JAKMIP3: variants seen among roughly 807,000 people sequenced by gnomAD.
The protein encoded by JAKMIP3 is Janus kinase and microtubule interacting protein 3, also known as janus kinase and microtubule-interacting protein 3.
A neutral mutation model predicts 118.5 loss-of-function variants in JAKMIP3; 58 were observed. The observed-to-expected ratio is 0.49, with a 90% CI of 0.40 to 0.61. JAKMIP3 has a LOEUF of 0.61. JAKMIP3 is among the 20% of genes least tolerant of loss of function. The probability of loss-of-function intolerance (pLI) is 0.00; values close to 1 mark genes in which losing one functional copy is unlikely to be tolerated. For synonymous variants in JAKMIP3, 486 were observed against 451.2 expected, an observed-to-expected ratio of 1.08 and a Z score of -0.98; for missense variants, 950 against 1,109.0, an observed-to-expected ratio of 0.86 and a Z score of 2.04.
intron 1 of JAKMIP3, among the ~76,000 whole-genome samples, chr10:132,039,172 G>A (rs2037630634): frequency 6.6e-6 from 1 of 152,148 alleles, no homozygotes; most frequent in Middle Eastern, 3.2e-3. Flanking sequence ...TTTTAATAGA[G>A]ACAAGATCTT....
At chr10:132,052,574 C>A (rs369573936) in intron 1 of JAKMIP3, among the ~76,000 whole-genome samples, 5 of 152,118 alleles carry the variant, frequency 3.3e-5, no homozygotes, top group African/African-American at 1.2e-4. Flanking sequence ...TGGGTTCTGC[C>A]TCTTTGTTTG....
At chr10:132,126,494 G>A (rs937526777) in intron 3 of JAKMIP3, among the ~76,000 whole-genome samples, 1 of 151,918 alleles carries the variant, frequency 6.6e-6, no homozygotes, top group African/African-American at 2.4e-5. Flanking sequence ...GTAGAGACAG[G>A]GTCTCGCTTT....
chr10:132,155,177 GTGA>G lies in JAKMIP3; in HGVS notation c.2220+1193_2220+1195del, dbSNP rs537615858. Among the ~76,000 whole-genome samples, 633 of 150,884 alleles carry G rather than the reference GTGA, an allele frequency of 4.2e-3. 5 individuals are homozygous for G. The highest frequency in any genetic ancestry group is 0.015 in the African/African-American group (600 of 41,034). On this transcript the variant is annotated intron_variant, in intron 19 of 23. Transcript: ENST00000684848. ...GATCATGACAGTGGTGGTAGTGGTG[GTGA>G]TGATGGTGATCATGATGGTGACAAT... is the stretch of plus-strand genomic sequence containing the variant.
At chr10:132,163,740 C>T (rs751542503) in intron 20 of JAKMIP3, among the ~76,000 whole-genome samples, 1 of 152,254 alleles carries the variant, frequency 6.6e-6, no homozygotes, top group Non-Finnish European at 1.5e-5. Context: ...GGCCAGACTG[C>T]CTCCCCTACC....
intron 23 of JAKMIP3, among the ~76,000 whole-genome samples, chr10:132,172,631 G>A (rs4242715): frequency 0.69 from 104,624 of 151,718 alleles, 36,436 homozygotes; most frequent in East Asian, 0.96. Flanking sequence ...TCCCTGGGTC[G>A]TGGCCCAGCC....
intron 1 of JAKMIP3, among the ~76,000 whole-genome samples, chr10:132,072,407 GT>G (rs760988735): frequency 6.6e-6 from 1 of 151,948 alleles, no homozygotes; most frequent in Non-Finnish European, 1.5e-5. Context: ...TAGCTGTAGT[GT>G]GGTATAGTCC....
chr10:132,085,014 A>C (rs557911886), intron 1 of JAKMIP3, among the ~76,000 whole-genome samples: 2 of 152,276 alleles, frequency 1.3e-5, no homozygotes, highest in Non-Finnish European at 2.9e-5. Flanking sequence ...ATGTTCATCA[A>C]GGATATTGGT....
intron 19 of JAKMIP3, among the ~76,000 whole-genome samples, chr10:132,160,190 G>T (rs1291666979): frequency 3.0e-5 from 1 of 33,234 alleles, no homozygotes. Flanking sequence ...TGCTGGGTGG[G>T]CCTCTCCCTG....
Position 132,183,014 on chromosome 10 carries a change from T to G in JAKMIP3, c.*1761T>G, listed in dbSNP as rs1389698910. On this transcript the variant is annotated 3_prime_UTR_variant, in exon 24 of 24. Transcript: ENST00000684848. ...TCGGCAAGATACTGGGCCAGTTCAG[T>G]GTCTCTAGCTGAGCCTGACCTCGGG... 1 of 152,236 alleles carries G rather than the reference T, an allele frequency of 6.6e-6. No homozygotes were observed. Among genetic ancestry groups the G allele is most frequent in the Non-Finnish European group, 1.5e-5 (1 of 68,044 alleles). The allele number at this position is 152,236 out of a possible 1,614,324, so 9.4% of individuals were successfully genotyped here.
At position 132,163,267 on chromosome 10, in the gene JAKMIP3, A is replaced by G. The variant is rs1254965947; in HGVS notation, c.2279A>G (p.Lys760Arg). 6.3e-7 allele frequency: 1 copy of G among 1,591,346 alleles called. No homozygotes were observed. Among genetic ancestry groups the G allele is most frequent in the Admixed American group, 1.8e-5 (1 of 56,496 alleles). The change falls in exon 20 of 24, where the codon AAG becomes AGG. Residue 760 changes from lysine (K) to arginine (R), a missense_variant. Physicochemically the swap from Lys to Arg is conservative, Grantham distance 26. Transcript: ENST00000684848. ...YDALQQEAGA[K>R]VAELLSEEER... ...GCCCTGCAGCAGGAGGCCGGGGCTA[A>G]GGTGGCTGAGCTGCTGTCAGAGGAG...
At chr10:132,062,886 A>G (rs2038445696), upstream of JAKMIP3, among the ~76,000 whole-genome samples, 1 of 151,888 alleles carries the variant, frequency 6.6e-6, no homozygotes, top group Non-Finnish European at 1.5e-5. Flanking sequence ...GGGAGGAGAA[A>G]AGGAAGGCAG....
At chr10:132,079,619 C>T (rs771834039) in intron 1 of JAKMIP3, among the ~76,000 whole-genome samples, 8 of 152,122 alleles carry the variant, frequency 5.3e-5, no homozygotes, top group Admixed American at 2.0e-4. Context: ...TAAGTTTTAC[C>T]ATCTTAGCCA....
chr10:132,143,006 C>T (rs1589934114), intron 11 of JAKMIP3, among the ~76,000 whole-genome samples: 1 of 152,178 alleles, frequency 6.6e-6, no homozygotes, highest in African/African-American at 2.4e-5. Flanking sequence ...AGCCGCCAGC[C>T]TCATCCTCTG....
At chr10:132,180,710 CGTGTGT>C (rs1200016178) in intron 23 of JAKMIP3, among the ~76,000 whole-genome samples, 210 of 9,472 alleles carry the variant, frequency 0.022, 76 homozygotes, top group African/African-American at 0.097. Context: ...TGTGTGTGCG[CGTGTGT>C]GTGCGTGTGT....
At chr10:132,159,572 G>C (rs71480033) in intron 19 of JAKMIP3, among the ~76,000 whole-genome samples, 84 of 36,234 alleles carry the variant, frequency 2.3e-3, no homozygotes, top group Non-Finnish European at 2.8e-3. Context: ...GGGGGGGCGT[G>C]TCTCCCTGTG....
In JAKMIP3 at chr10:132,049,278, C is replaced by G. The variant is rs1328102863; in HGVS notation, c.-138+12540C>G. 2.6e-5 allele frequency among the ~76,000 whole-genome samples: 4 copies of G among 152,190 alleles called. No individual in the cohort carries two copies. Among genetic ancestry groups the G allele is most frequent in the African/African-American group, 9.7e-5 (4 of 41,444 alleles). ...GCACAGCTATAGCTATGAGCACTGA[C>G]CCACGGCTTTGCTTCCCTTCCTTAG... On this transcript the variant is annotated intron_variant, in intron 1 of 23. Coordinates refer to the JAKMIP3 transcript ENST00000657785. The surrounding 1 kb of genome is among the most constrained non-coding windows in gnomAD (Gnocchi z 4.3).
At chr10:132,072,611 T>C (rs1215776904) in intron 1 of JAKMIP3, among the ~76,000 whole-genome samples, 1 of 152,234 alleles carries the variant, frequency 6.6e-6, no homozygotes, top group Non-Finnish European at 1.5e-5. Flanking sequence ...TTACATTTAA[T>C]ATTTAGTGAT....
chr10:132,102,542 C>G (rs1277451284), intron 1 of JAKMIP3, among the ~76,000 whole-genome samples: 3 of 152,208 alleles, frequency 2.0e-5, no homozygotes, highest in Admixed American at 6.5e-5. Context: ...GGCCGGCGGC[C>G]CTGCAGGGTG....
intron 1 of JAKMIP3, among the ~76,000 whole-genome samples, chr10:132,051,600 CT>C (rs1005102717): frequency 9.4e-4 from 138 of 146,350 alleles, no homozygotes; most frequent in Middle Eastern, 3.5e-3. Context: ...TTTATTTTTA[CT>C]TTTTTTTTTT....
Sources: gnomAD v4.1 joint callset for allele counts (sites outside exome capture counted in the v4.1 genomes callset) on GRCh38, gnomAD v4.1.1 for gene constraint, Gnocchi (gnomAD v3.1) non-coding constraint, MANE v1.5 for transcripts, NCBI Gene and HGNC (gene_info 2026-07-23, HGNC 2026-07-21) for gene names.